The following RBFOX1 variants were observed in gnomAD, a reference collection of about 807,000 sequenced individuals.
RBFOX1 encodes the protein RNA binding protein fox-1 homolog 1.
In RBFOX1, 8 loss-of-function variants were observed where a neutral mutation model predicts 57.7. The observed-to-expected ratio is 0.14, with a 90% confidence interval of 0.08 to 0.25. RBFOX1 has a LOEUF of 0.25. RBFOX1 is among the 10% of genes least tolerant of loss of function. RBFOX1 has a pLI of 1.00. For missense variants in RBFOX1, 611 were observed against 548.5 expected (o/e 1.11, Z -1.14); for synonymous variants, 326 against 222.4 (o/e 1.47, Z -4.15).
chr16:5,327,289 C>G (rs971194240), intron 1 of RBFOX1, among the ~76,000 whole-genome samples: 1 of 152,160 alleles, frequency 6.6e-6, no homozygotes, highest in African/African-American at 2.4e-5. Flanking sequence ...CCCTGCCTCT[C>G]TATTGAGTCT....
chr16:7,278,423 G>T (rs2095481367), intron 4 of RBFOX1, among the ~76,000 whole-genome samples: 1 of 152,108 alleles, frequency 6.6e-6, no homozygotes, highest in Admixed American at 6.5e-5. Context: ...AGAGGGTGTT[G>T]GACATTTTGA....
chr16:6,553,527 T>C (rs947195915), intron 2 of RBFOX1, among the ~76,000 whole-genome samples: 1 of 152,206 alleles, frequency 6.6e-6, no homozygotes, highest in Non-Finnish European at 1.5e-5. Flanking sequence ...ACCTCAAACC[T>C]ACCACCCAAT....
chr16:5,385,778 G>A (rs1352188706), intron 1 of RBFOX1, among the ~76,000 whole-genome samples: 1 of 152,162 alleles, frequency 6.6e-6, no homozygotes, highest in Non-Finnish European at 1.5e-5. Context: ...CTGCACTCGA[G>A]CAGTGGCCTT....
chr16:5,986,212 C>T (rs1309441910), intron 4 of RBFOX1, among the ~76,000 whole-genome samples: 2 of 152,056 alleles, frequency 1.3e-5, no homozygotes, highest in Admixed American at 1.3e-4. Flanking sequence ...TACAGGCATG[C>T]ACCACCCCAG....
At chr16:7,650,081 G>A (rs1311921007) in intron 11 of RBFOX1, among the ~76,000 whole-genome samples, 2 of 150,198 alleles carry the variant, frequency 1.3e-5, no homozygotes, top group African/African-American at 2.4e-5. Flanking sequence ...GAAAAAGGGA[G>A]GGGAGAAGGA....
intron 3 of RBFOX1, among the ~76,000 whole-genome samples, chr16:5,671,405 G>A (rs957052061): frequency 6.6e-6 from 1 of 152,144 alleles, no homozygotes; most frequent in Non-Finnish European, 1.5e-5. Flanking sequence ...ACTTCACTGA[G>A]GCATTTGATA....
At chr16:7,055,515 G>A (rs377294090) in intron 4 of RBFOX1, among the ~76,000 whole-genome samples, 1 of 152,064 alleles carries the variant, frequency 6.6e-6, no homozygotes, top group South Asian at 2.1e-4. Context: ...TTCTCACAGG[G>A]CAGCACTCTC....
chr16:5,453,073 G>C (rs1304050980), intron 1 of RBFOX1, among the ~76,000 whole-genome samples: 2 of 152,076 alleles, frequency 1.3e-5, no homozygotes, highest in African/African-American at 2.4e-5. Flanking sequence ...CAACTTTCTA[G>C]CAATTCCCTC....
At chr16:6,697,422 T>G (rs2061217181) in intron 3 of RBFOX1, among the ~76,000 whole-genome samples, 1 of 152,270 alleles carries the variant, frequency 6.6e-6, no homozygotes, top group Non-Finnish European at 1.5e-5. Context: ...AAGGGAAATA[T>G]ACTGGCTCAT....
intron 3 of RBFOX1, among the ~76,000 whole-genome samples, chr16:6,931,292 T>TCTATCTAC (rs1490913672): frequency 4.6e-5 from 5 of 108,756 alleles, no homozygotes; most frequent in African/African-American, 1.9e-4. Flanking sequence ...TGTCTGTCTG[T>TCTATCTAC]CTGTCTATCT....
At chr16:7,385,562 T>C (rs190553990) in intron 4 of RBFOX1, among the ~76,000 whole-genome samples, 1 of 152,110 alleles carries the variant, frequency 6.6e-6, no homozygotes, top group Non-Finnish European at 1.5e-5. Context: ...AGCAGAAATG[T>C]GAAAGGCCAT....
chr16:7,384,592 G>A (rs1191817528), intron 4 of RBFOX1, among the ~76,000 whole-genome samples: 2 of 152,178 alleles, frequency 1.3e-5, no homozygotes, highest in East Asian at 1.9e-4. Flanking sequence ...GGGGAAATAG[G>A]AGGGAGAGGG....
At chr16:5,343,085 G>T (rs1352690009) in intron 1 of RBFOX1, among the ~76,000 whole-genome samples, 1 of 152,166 alleles carries the variant, frequency 6.6e-6, no homozygotes, top group African/African-American at 2.4e-5. Context: ...TTAGCTTAGT[G>T]TAAGGCTTAG....
Position 6,598,402 on chromosome 16 carries a change from C to A in RBFOX1, c.-63-56201C>A, listed in dbSNP as rs867279590. Among the ~76,000 whole-genome samples, 4 of 152,138 alleles carry A rather than the reference C, an allele frequency of 2.6e-5. No homozygotes were observed. In the South Asian group the frequency reaches 8.3e-4, roughly 32 times the overall value. ...GTTTAGGTAGATGTGAATTGATTGG[C>A]CAGTACAAAGTAAAAGTGTAACCAG... On this transcript the variant is annotated intron_variant, in intron 2 of 15. Transcript: ENST00000550418.
At chr16:7,116,562 G>C (rs187376282) in intron 4 of RBFOX1, among the ~76,000 whole-genome samples, 1 of 152,252 alleles carries the variant, frequency 6.6e-6, no homozygotes, top group East Asian at 1.9e-4. Context: ...CACTAAATGA[G>C]TCCATTAAAG....
chr16:5,752,327 A>G (rs558956034), intron 3 of RBFOX1, among the ~76,000 whole-genome samples: 1 of 152,300 alleles, frequency 6.6e-6, no homozygotes, highest in South Asian at 2.1e-4. Flanking sequence ...CAACTAATAG[A>G]TACTAGGCTT....
chr16:6,730,202 T>C (rs1349757041), intron 3 of RBFOX1, among the ~76,000 whole-genome samples: 4 of 152,058 alleles, frequency 2.6e-5, no homozygotes, highest in Admixed American at 6.6e-5. Context: ...GGAGGGGACA[T>C]AGGAACAAAG....
At chr16:6,807,348 A>AT (rs1437414392) in intron 3 of RBFOX1, among the ~76,000 whole-genome samples, 1 of 152,044 alleles carries the variant, frequency 6.6e-6, no homozygotes, top group Non-Finnish European at 1.5e-5. Flanking sequence ...GATAATGGGA[A>AT]TTTTGAGACA....
chr16:6,716,732 A>G (rs201949458), intron 3 of RBFOX1, among the ~76,000 whole-genome samples: 2 of 152,168 alleles, frequency 1.3e-5, no homozygotes, highest in East Asian at 1.9e-4. Context: ...ATGTAACCCA[A>G]TTCTATCCAG....
Sources: allele counts gnomAD v4.1 joint callset (sites outside exome capture counted in the v4.1 genomes callset), GRCh38; gene constraint gnomAD v4.1.1; transcripts MANE v1.5; gene names NCBI Gene and HGNC (gene_info 2026-07-23, HGNC 2026-07-21).